RGS6: variants seen among roughly 807,000 people sequenced by gnomAD.
RGS6 encodes the protein regulator of G protein signaling 6.
In RGS6, 30 loss-of-function variants were observed where a neutral mutation model predicts 78.5. The observed-to-expected ratio is 0.38, with a 90% CI of 0.29 to 0.52. The LOEUF (loss-of-function observed/expected upper bound fraction) is 0.52, where lower values mean the gene tolerates loss of function less well. Ranked by LOEUF, RGS6 falls within the 20% of genes least tolerant of loss-of-function variation. The pLI is 0.85. For synonymous variants in RGS6, 206 were observed against 206.0 expected (o/e 1.00, Z 0.00); for missense variants, 495 against 609.7 (o/e 0.81, Z 1.98).
At chr14:72,046,091 C>T (rs1001248971) in intron 2 of RGS6, among the ~76,000 whole-genome samples, 1 of 152,044 alleles carries the variant, frequency 6.6e-6, no homozygotes, top group East Asian at 1.9e-4. Flanking sequence ...CATCCATCCT[C>T]CTGATGGAGG....
At chr14:72,475,267 C>A (rs1421266970) in intron 10 of RGS6, among the ~76,000 whole-genome samples, 1 of 135,482 alleles carries the variant, frequency 7.4e-6, no homozygotes, top group Non-Finnish European at 1.5e-5. Context: ...TCTTGTCCAA[C>A]TGTGAATGAC....
At chr14:72,096,650 G>A (rs2095414457) in intron 2 of RGS6, among the ~76,000 whole-genome samples, 2 of 152,130 alleles carry the variant, frequency 1.3e-5, no homozygotes, top group Admixed American at 6.5e-5. Flanking sequence ...TGGCAGCTGG[G>A]GCTCCTACAC....
At chr14:72,392,187 A>AAT (rs59588686) in intron 3 of RGS6, among the ~76,000 whole-genome samples, 8,900 of 149,270 alleles carry the variant, frequency 0.06, 853 homozygotes, top group African/African-American at 0.2. Context: ...TACATACACA[A>AAT]ATATATATAT....
intron 13 of RGS6, among the ~76,000 whole-genome samples, chr14:72,498,476 A>T (rs189862404): frequency 6.7e-4 from 102 of 152,338 alleles, no homozygotes; most frequent in African/African-American, 2.4e-3. Context: ...GGAAGTTTCT[A>T]AAAAATACTA....
chr14:72,549,656 G>A (rs1211174279), intron 17 of RGS6, among the ~76,000 whole-genome samples: 9 of 152,248 alleles, frequency 5.9e-5, no homozygotes, highest in East Asian at 1.9e-4. Flanking sequence ...GAGGTCAGGC[G>A]TTCAAGACCA....
chr14:72,414,838 G>A (rs956085798), intron 3 of RGS6, among the ~76,000 whole-genome samples: 4 of 152,182 alleles, frequency 2.6e-5, no homozygotes, highest in Non-Finnish European at 4.4e-5. Context: ...GTTTACCTGC[G>A]TATCAGCAGT....
the RGS6 span, among the ~76,000 whole-genome samples, chr14:71,914,692 C>T: frequency 1.3e-5 from 2 of 151,894 alleles, no homozygotes; most frequent in African/African-American, 2.4e-5. Context: ...CCTCCCCCGA[C>T]CCCCAATGTA....
chr14:72,143,204 C>T (rs1050910677), intron 2 of RGS6, among the ~76,000 whole-genome samples: 4 of 152,058 alleles, frequency 2.6e-5, no homozygotes, highest in South Asian at 2.1e-4. Flanking sequence ...CCCATCTCTA[C>T]TAAAAATAAA....
At chr14:72,543,525 CTG>C (rs2097353627) in intron 17 of RGS6, among the ~76,000 whole-genome samples, 1 of 152,236 alleles carries the variant, frequency 6.6e-6, no homozygotes, top group Non-Finnish European at 1.5e-5. Context: ...TGGCTAGTCA[CTG>C]TGGGTTGCCT....
chr14:72,259,370 A>T (rs71427153), intron 2 of RGS6, among the ~76,000 whole-genome samples: 2,030 of 152,142 alleles, frequency 0.013, 21 homozygotes, highest in Non-Finnish European at 0.02. Context: ...ACCATTCCCT[A>T]CTGCCTTACT....
chr14:72,595,852 C>A, the RGS6 span, among the ~76,000 whole-genome samples: 1 of 152,172 alleles, frequency 6.6e-6, no homozygotes, highest in Non-Finnish European at 1.5e-5. Context: ...GTCTAGACTC[C>A]GCCCATTCGC....
chr14:72,212,295 A>C (rs553409723), intron 2 of RGS6, among the ~76,000 whole-genome samples: 1 of 152,212 alleles, frequency 6.6e-6, no homozygotes, highest in Non-Finnish European at 1.5e-5. Flanking sequence ...TACTCATGAT[A>C]TGTTGTCTAA....
At position 72,449,635 on chromosome 14, in the gene RGS6, C is replaced by T. The variant is rs145695228; in HGVS notation, c.185-4893C>T. Among the ~76,000 whole-genome samples the T allele has an allele frequency of 2.6e-3, 392 of 152,290 alleles. 8 individuals are homozygous for T. Among genetic ancestry groups the T allele is most frequent in the Admixed American group, 0.022 (338 of 15,302 alleles). On this transcript the variant is annotated intron_variant, in intron 3 of 17. Transcript: ENST00000553525. Reference sequence around the variant, plus strand: ...GAAAGGCACCAGGAAAAGATCACTGCGTCTTACTCCCACCAAGTAAACAAG... The same window carrying T: ...GAAAGGCACCAGGAAAAGATCACTGTGTCTTACTCCCACCAAGTAAACAAG...
At chr14:72,317,065 C>G (rs1259685880) in intron 2 of RGS6, among the ~76,000 whole-genome samples, 1 of 152,090 alleles carries the variant, frequency 6.6e-6, no homozygotes, top group Non-Finnish European at 1.5e-5. Context: ...TCAGGCAGAA[C>G]TGGGTTCTAA....
intron 2 of RGS6, among the ~76,000 whole-genome samples, chr14:72,078,208 C>T (rs1157168540): frequency 2.0e-5 from 3 of 152,082 alleles, no homozygotes; most frequent in Non-Finnish European, 4.4e-5. Context: ...GTGTGTGGCA[C>T]CTCCCCAAAC....
intron 2 of RGS6, among the ~76,000 whole-genome samples, chr14:72,046,012 T>G (rs189868643): frequency 3.9e-5 from 6 of 152,240 alleles, no homozygotes; most frequent in African/African-American, 1.4e-4. Flanking sequence ...TCCCAAAAGT[T>G]TGGTCGTAGT....
At chr14:72,071,112 C>T (rs1055612660) in intron 2 of RGS6, among the ~76,000 whole-genome samples, 3 of 151,978 alleles carry the variant, frequency 2.0e-5, no homozygotes, top group African/African-American at 7.3e-5. Flanking sequence ...TATCAATAAA[C>T]AATGTATTCT....
chr14:72,255,656 A>T (rs2056918084), intron 2 of RGS6, among the ~76,000 whole-genome samples: 1 of 152,162 alleles, frequency 6.6e-6, no homozygotes, highest in Non-Finnish European at 1.5e-5. Flanking sequence ...TTCAGTTGAT[A>T]CTTTTTCGTG....
chr14:72,573,555 C>T, the RGS6 span, among the ~76,000 whole-genome samples: 1 of 152,202 alleles, frequency 6.6e-6, no homozygotes, highest in Non-Finnish European at 1.5e-5. Context: ...CCTGTGTTTC[C>T]TTTGAGCTTG....
Sources: allele counts gnomAD v4.1 joint callset (sites outside exome capture counted in the v4.1 genomes callset), GRCh38; gene constraint gnomAD v4.1.1; transcripts MANE v1.5; gene names NCBI Gene and HGNC (gene_info 2026-07-23, HGNC 2026-07-21).